Variants in PTPRD observed in about 807,000 individuals in gnomAD.
PTPRD encodes protein tyrosine phosphatase receptor type D.
Under a neutral mutation model 214.5 loss-of-function variants are expected in PTPRD, and 34 were observed. The ratio of observed to expected loss-of-function variants is 0.16; its 90% CI spans 0.12 to 0.21. The LOEUF is 0.21. Ranked by LOEUF, PTPRD falls within the 10% of genes least tolerant of loss-of-function variation. The probability of loss-of-function intolerance (pLI) is 1.00; values close to 1 mark genes in which losing one functional copy is unlikely to be tolerated. For missense variants in PTPRD, 2,545 were observed against 2,398.7 expected, an observed-to-expected ratio of 1.06 and a Z score of -1.27; for synonymous variants, 1,128 against 845.7, an observed-to-expected ratio of 1.33 and a Z score of -5.79.
At chr9:10,309,110 G>A (rs1431983012) in intron 3 of PTPRD, among the ~76,000 whole-genome samples, 3 of 151,864 alleles carry the variant, frequency 2.0e-5, no homozygotes, top group Admixed American at 1.3e-4. Context: ...CAAATCCTAA[G>A]CAACTCAGCA....
chr9:9,859,895 C>A (rs2062349368), intron 5 of PTPRD, among the ~76,000 whole-genome samples: 1 of 152,122 alleles, frequency 6.6e-6, no homozygotes, highest in African/African-American at 2.4e-5. Flanking sequence ...ATATTTGTAC[C>A]TATTTATAGT....
At chr9:8,345,079 C>T (rs1269013811) in intron 39 of PTPRD, among the ~76,000 whole-genome samples, 1 of 151,792 alleles carries the variant, frequency 6.6e-6, no homozygotes, top group African/African-American at 2.4e-5. Context: ...TTCGTCTACT[C>T]TCTCAAGCTG....
chr9:9,921,255 G>T (rs912148197), intron 5 of PTPRD, among the ~76,000 whole-genome samples: 1 of 151,886 alleles, frequency 6.6e-6, no homozygotes, highest in Non-Finnish European at 1.5e-5. Context: ...TTAAATAATT[G>T]TGAATTTCTA....
At chr9:10,294,304 G>A (rs372408093) in intron 3 of PTPRD, among the ~76,000 whole-genome samples, 2 of 151,760 alleles carry the variant, frequency 1.3e-5, no homozygotes, top group African/African-American at 2.4e-5. Context: ...TGAAAATACA[G>A]GAAGAAAAAA....
At chr9:9,741,969 C>T (rs536093794) in intron 6 of PTPRD, among the ~76,000 whole-genome samples, 1 of 152,082 alleles carries the variant, frequency 6.6e-6, no homozygotes, top group Admixed American at 6.5e-5. Flanking sequence ...GGGTATATAC[C>T]TAGTAATGCA....
intron 3 of PTPRD, among the ~76,000 whole-genome samples, chr9:10,119,813 A>G (rs1029991647): frequency 1.3e-5 from 2 of 152,098 alleles, no homozygotes; most frequent in African/African-American, 4.8e-5. Flanking sequence ...TACAATGTAC[A>G]GAGTTGTAAC....
At chr9:9,169,426 G>C (rs1172209616) in intron 10 of PTPRD, among the ~76,000 whole-genome samples, 1 of 151,998 alleles carries the variant, frequency 6.6e-6, no homozygotes, top group Non-Finnish European at 1.5e-5. Flanking sequence ...TAAATCCCAG[G>C]ATTATATTTG....
intron 9 of PTPRD, among the ~76,000 whole-genome samples, chr9:9,247,145 T>A (rs2099973411): frequency 6.6e-6 from 1 of 152,050 alleles, no homozygotes; most frequent in African/African-American, 2.4e-5. Context: ...ATAAAGAAAT[T>A]CTTTGAGCTA....
At chr9:9,954,819 A>C (rs1478242906) in intron 4 of PTPRD, among the ~76,000 whole-genome samples, 1 of 152,170 alleles carries the variant, frequency 6.6e-6, no homozygotes, top group African/African-American at 2.4e-5. Context: ...ATATAAGTAG[A>C]ATTTTCCTTC....
At chr9:10,004,499 T>C (rs1410463108) in intron 4 of PTPRD, among the ~76,000 whole-genome samples, 2 of 151,928 alleles carry the variant, frequency 1.3e-5, no homozygotes, top group Admixed American at 6.6e-5. Flanking sequence ...CAATCATTCA[T>C]TACCCACCGG....
At chr9:9,131,644 C>T (rs1309303561) in intron 10 of PTPRD, among the ~76,000 whole-genome samples, 1 of 152,058 alleles carries the variant, frequency 6.6e-6, no homozygotes, top group Non-Finnish European at 1.5e-5. Context: ...TATGGAAAAG[C>T]ATGTAATGCT....
At chr9:10,284,136 T>G (rs2095257848) in intron 3 of PTPRD, among the ~76,000 whole-genome samples, 2 of 152,222 alleles carry the variant, frequency 1.3e-5, no homozygotes, top group African/African-American at 4.8e-5. Flanking sequence ...TTCCTACAAA[T>G]TCTGTGGAGT....
chr9:9,546,883 A>G (rs539073261), intron 8 of PTPRD, among the ~76,000 whole-genome samples: 15 of 152,004 alleles, frequency 9.9e-5, no homozygotes, highest in Admixed American at 3.3e-4. Flanking sequence ...TAAAACCACC[A>G]GGTAAATAAT....
chr9:10,416,482 T>A (rs1215776069), intron 2 of PTPRD, among the ~76,000 whole-genome samples: 1 of 151,750 alleles, frequency 6.6e-6, no homozygotes, highest in African/African-American at 2.4e-5. Flanking sequence ...AGAACAAATG[T>A]TAAAAGAAAT....
chr9:8,890,643 T>C (rs767374873), intron 11 of PTPRD, among the ~76,000 whole-genome samples: 6 of 152,218 alleles, frequency 3.9e-5, no homozygotes, highest in Admixed American at 3.9e-4. Context: ...AATATATCCA[T>C]TCCTAGAACA....
chr9:8,513,385 G>T (rs1402433840), intron 21 of PTPRD, among the ~76,000 whole-genome samples: 1 of 151,972 alleles, frequency 6.6e-6, no homozygotes. Context: ...AATCAAAAGT[G>T]AGACTTCTCT....
chr9:9,699,576 A>G (rs59016622), intron 7 of PTPRD, among the ~76,000 whole-genome samples: 146 of 152,280 alleles, frequency 9.6e-4, no homozygotes, highest in African/African-American at 2.9e-3. Context: ...TACCCCCCCA[A>G]TACAGCTACT....
intron 5 of PTPRD, among the ~76,000 whole-genome samples, chr9:9,931,468 T>TGGCACCTGGAAAATC (rs2086521620): frequency 1.3e-5 from 2 of 152,128 alleles, no homozygotes; most frequent in African/African-American, 4.8e-5. Context: ...GGGTGACAGA[T>TGGCACCTGGAAAATC]GGCACCTGGA....
chr9:10,078,106 A>C (rs772417261), intron 3 of PTPRD, among the ~76,000 whole-genome samples: 41 of 92,336 alleles, frequency 4.4e-4, no homozygotes, highest in Non-Finnish European at 1.0e-3. Context: ...AAAATAACTT[A>C]GTAACTCCAA....
Sources: allele counts gnomAD v4.1 joint callset (sites outside exome capture counted in the v4.1 genomes callset), GRCh38; gene constraint gnomAD v4.1.1; transcripts MANE v1.5; gene names NCBI Gene and HGNC (gene_info 2026-07-23, HGNC 2026-07-21).